ASIC2: variants seen among roughly 807,000 people sequenced by gnomAD.
ASIC2 encodes acid sensing ion channel subunit 2, also known as acid-sensing ion channel 2.
ASIC2 carries 25 observed loss-of-function variants against 57.3 expected under a neutral mutation model. That is an observed-to-expected ratio of 0.44 (90% confidence interval 0.32 to 0.61). ASIC2 has a LOEUF of 0.61. Among genes scored for constraint, ASIC2 ranks in the 20% least tolerant of loss-of-function variants. ASIC2 has a pLI of 0.06. For synonymous variants in ASIC2, 319 were observed against 307.5 expected (o/e 1.04, Z -0.39); for missense variants, 641 against 738.1 (o/e 0.87, Z 1.52).
At chr17:33,258,808 C>A (rs1909175686) in intron 1 of ASIC2, among the ~76,000 whole-genome samples, 1 of 152,144 alleles carries the variant, frequency 6.6e-6, no homozygotes, top group Non-Finnish European at 1.5e-5. Context: ...AGTGGTAGAA[C>A]AAGGGATTTG....
chr17:34,133,785 T>C lies in ASIC2; in HGVS notation c.555+22193A>G, dbSNP rs1912058471. On this transcript the variant is annotated intron_variant, in intron 1 of 9. Coordinates refer to the ASIC2 transcript ENST00000359872. ...GTGACATAGGGGTTTTACATCCCAA[T>C]TTACAGGTAAACCAGTGGTTCTCAA... Among the ~76,000 whole-genome samples the C allele has an allele frequency of 2.0e-5, 3 of 152,204 alleles. 1 individual carries two copies. In the South Asian group the frequency reaches 6.2e-4, roughly 32 times the overall value.
intron 1 of ASIC2, among the ~76,000 whole-genome samples, chr17:33,913,813 C>G (rs17837003): frequency 6.6e-6 from 1 of 152,126 alleles, no homozygotes; most frequent in Non-Finnish European, 1.5e-5. Context: ...TAATTGTTGA[C>G]GATACTTTTC....
At chr17:33,215,705 C>CT (rs35619348) in intron 1 of ASIC2, among the ~76,000 whole-genome samples, 23,487 of 141,390 alleles carry the variant, frequency 0.17, 2,247 homozygotes, top group Non-Finnish European at 0.21. Context: ...ATACATGTGG[C>CT]TTTTTTTTTT....
intron 1 of ASIC2, among the ~76,000 whole-genome samples, chr17:33,371,693 G>A (rs5010388): frequency 0.59 from 88,604 of 151,436 alleles, 26,149 homozygotes; most frequent in East Asian, 0.79. Flanking sequence ...AATATACTTT[G>A]GGATTTTTTT....
intron 1 of ASIC2, among the ~76,000 whole-genome samples, chr17:33,206,740 T>C (rs1597629624): frequency 6.6e-6 from 1 of 152,106 alleles, no homozygotes; most frequent in Admixed American, 6.5e-5. Flanking sequence ...AGTTCCAGGG[T>C]TACCCAGACA....
At chr17:33,070,125 A>G (rs1201218273) in intron 3 of ASIC2, among the ~76,000 whole-genome samples, 1 of 152,226 alleles carries the variant, frequency 6.6e-6, no homozygotes, top group Non-Finnish European at 1.5e-5. Flanking sequence ...CAGGCAGAGT[A>G]GAAGAATTTT....
At chr17:33,129,694 T>A (rs935197772) in intron 1 of ASIC2, among the ~76,000 whole-genome samples, 3 of 152,160 alleles carry the variant, frequency 2.0e-5, no homozygotes, top group Admixed American at 6.5e-5. Context: ...GAATGTGTGT[T>A]CTGAGCTAGA....
intron 3 of ASIC2, among the ~76,000 whole-genome samples, chr17:33,042,395 A>G (rs2091933195): frequency 6.6e-6 from 1 of 152,242 alleles, no homozygotes; most frequent in Non-Finnish European, 1.5e-5. Context: ...AAGGGATTTA[A>G]GAATATTATC....
rs1567820594 is a variant in ASIC2, at chr17:34,099,115, AG to A, written c.555+56862del. ...ATTAAGAGAGAAAAGAGAGAGAGAG[AG>A]AGAGAGAGAGAGAGAGAGAGAGAGA... On this transcript the variant is annotated intron_variant, in intron 1 of 9. Transcript: ENST00000359872. Among the ~76,000 whole-genome samples the A allele has an allele frequency of 9.2e-3, 272 of 29,554 alleles. 4 individuals carry two copies. The highest frequency in any genetic ancestry group is 0.027 in the African/African-American group (259 of 9,670). 19.4% of individuals were successfully genotyped at this position (29,554 alleles called of 152,430 possible).
chr17:33,795,054 C>T (rs1911876744), intron 1 of ASIC2, among the ~76,000 whole-genome samples: 2 of 152,214 alleles, frequency 1.3e-5, no homozygotes, highest in Non-Finnish European at 2.9e-5. Flanking sequence ...GTGTCCAGCA[C>T]TGTATCATGG....
In ASIC2 at chr17:33,422,281, G is replaced by A. The variant is rs563352595; in HGVS notation, c.556-310214C>T. On this transcript the variant is annotated intron_variant, in intron 1 of 9. Coordinates refer to the ASIC2 transcript ENST00000359872. ...CTCCTGAGGATGAAATGAGCTGAAT[G>A]GTGACTGGCTCCCAGATGCTGGCAG... Among the ~76,000 whole-genome samples, 9 of 152,332 alleles carry A rather than the reference G, an allele frequency of 5.9e-5. 1 individual carries two copies. The South Asian group carries it at 1.9e-3, about 32-fold the overall frequency.
At chr17:33,196,707 G>A (rs1311795899) in intron 1 of ASIC2, among the ~76,000 whole-genome samples, 5 of 152,208 alleles carry the variant, frequency 3.3e-5, no homozygotes. Context: ...ATTCCCCTCT[G>A]GGCTTGAGAC....
intron 1 of ASIC2, among the ~76,000 whole-genome samples, chr17:33,757,405 C>T (rs1181091277): frequency 6.6e-6 from 1 of 152,132 alleles, no homozygotes; most frequent in Non-Finnish European, 1.5e-5. Flanking sequence ...GGAAGGATTG[C>T]TTGAGGTCGG....
intron 1 of ASIC2, among the ~76,000 whole-genome samples, chr17:34,139,348 G>A (rs1912208579): frequency 6.6e-6 from 1 of 152,082 alleles, no homozygotes; most frequent in South Asian, 2.1e-4. Context: ...ATACCACATG[G>A]AAATAAACAG....
intron 1 of ASIC2, among the ~76,000 whole-genome samples, chr17:33,543,904 T>G (rs896009353): frequency 5.3e-5 from 8 of 152,310 alleles, no homozygotes; most frequent in Admixed American, 3.9e-4. Context: ...ACAGTAAAGT[T>G]TACATTTTTT....
chr17:33,103,370 A>C (rs2141979430), intron 2 of ASIC2, among the ~76,000 whole-genome samples: 1 of 152,344 alleles, frequency 6.6e-6, no homozygotes, highest in South Asian at 2.1e-4. Flanking sequence ...TTTAGAGGTA[A>C]CACAGGTCAC....
chr17:34,008,518 A>G (rs554179275), intron 1 of ASIC2, among the ~76,000 whole-genome samples: 1 of 152,314 alleles, frequency 6.6e-6, no homozygotes, highest in Admixed American at 6.5e-5. Context: ...AAACCATGCC[A>G]TGATTAGGCA....
At chr17:34,074,681 C>T (rs909141588) in intron 1 of ASIC2, among the ~76,000 whole-genome samples, 7 of 152,022 alleles carry the variant, frequency 4.6e-5, no homozygotes, top group South Asian at 2.1e-4. Flanking sequence ...GGCAGCATTA[C>T]GTGTTTCAGG....
intron 1 of ASIC2, among the ~76,000 whole-genome samples, chr17:33,496,643 G>A (rs193215658): frequency 5.9e-4 from 72 of 121,436 alleles, no homozygotes; most frequent in Admixed American, 3.9e-3. Flanking sequence ...TTTTAGATGG[G>A]GTCTCACTCT....
Sources: gnomAD v4.1 joint callset for allele counts (sites outside exome capture counted in the v4.1 genomes callset) on GRCh38, gnomAD v4.1.1 for gene constraint, MANE v1.5 for transcripts, NCBI Gene and HGNC (gene_info 2026-07-23, HGNC 2026-07-21) for gene names.